WEE2: variants seen among roughly 807,000 people sequenced by gnomAD.
WEE2 encodes the protein WEE2 oocyte meiosis inhibiting kinase.
A neutral mutation model predicts 60.1 loss-of-function variants in WEE2; 50 were observed. That is an observed-to-expected ratio of 0.83 (90% CI 0.66 to 1.05). The LOEUF (loss-of-function observed/expected upper bound fraction) is 1.05, where lower values mean the gene tolerates loss of function less well. Ranked by LOEUF, WEE2 falls within the 50% of genes least tolerant of loss-of-function variation. WEE2 has a pLI of 0.00. For synonymous variants in WEE2, 240 were observed against 241.0 expected, an observed-to-expected ratio of 1.00 and a Z score of 0.04; for missense variants, 631 against 684.3, an observed-to-expected ratio of 0.92 and a Z score of 0.87.
At chr7:141,723,672 AT>A (rs948979460) in intron 6 of WEE2, among the ~76,000 whole-genome samples, 3 of 152,118 alleles carry the variant, frequency 2.0e-5, no homozygotes, top group Non-Finnish European at 2.9e-5. Context: ...AGTTCTTACT[AT>A]TTTTTTATTT....
In WEE2 at chr7:141,714,272, T is replaced by C. The variant is rs1798757853; in HGVS notation, c.406T>C (p.Leu136=). The C allele has an allele frequency of 3.1e-6, 5 of 1,613,798 alleles. No homozygotes were observed. Among genetic ancestry groups the C allele is most frequent in the African/African-American group, 1.3e-5 (1 of 74,896 alleles). The part of the protein sequence containing the change: ...GKLPSRGPKH[L]KLTPAPLKDE... Reference sequence around the variant, plus strand: ...GCTTCCTTCCAGAGGCCCTAAGCATTTGAAGCTCACACCTGCTCCCCTCAA... The same window carrying C: ...GCTTCCTTCCAGAGGCCCTAAGCATCTGAAGCTCACACCTGCTCCCCTCAA... Residue 136 remains leucine, a synonymous_variant, in exon 2 of 12, where the codon TTG becomes CTG. Transcript: ENST00000397541.
Position 141,711,913 on chromosome 7 carries a change from T to A in WEE2, c.343-2296T>A, listed in dbSNP as rs1037810411. On this transcript the variant is annotated intron_variant, in intron 1 of 11. Transcript: ENST00000397541. The surrounding 1 kb of genome is among the most constrained non-coding windows in gnomAD (Gnocchi z 4.2). ...CAGTGGAAGCAAGACAGGAAGGAAGTGTCAGGCTCATTTTAAACAACCAGA... is the reference window on the plus strand; with the variant it reads ...CAGTGGAAGCAAGACAGGAAGGAAGAGTCAGGCTCATTTTAAACAACCAGA... 3.3e-5 allele frequency: 5 copies of A among 152,210 alleles called. No individual in the cohort carries two copies. The highest frequency in any genetic ancestry group is 1.2e-4 in the African/African-American group (5 of 41,530). 9.4% of individuals were successfully genotyped at this position (152,210 alleles called of 1,614,324 possible).
chr7:141,721,912 T>C (rs559091213), intron 5 of WEE2, among the ~76,000 whole-genome samples: 1 of 152,338 alleles, frequency 6.6e-6, no homozygotes, highest in East Asian at 1.9e-4. Flanking sequence ...CGAAACGAGC[T>C]AAATTTTTCT....
intron 11 of WEE2, among the ~76,000 whole-genome samples, chr7:141,730,067 G>A (rs544824114): frequency 7.8e-4 from 117 of 150,366 alleles, no homozygotes; most frequent in African/African-American, 2.6e-3. Flanking sequence ...GATATCAGCT[G>A]TCCCAACCTT....
rs754280237 is a variant in WEE2 at position 141,709,120 on chromosome 7, A to G, written c.342+20A>G. 6.9e-6 allele frequency: 11 copies of G among 1,602,034 alleles called. No homozygotes were observed. The highest frequency in any genetic ancestry group is 6.7e-5 in the South Asian group (6 of 90,204). Reference sequence around the variant, plus strand: ...CCCAAAGTAAGTAAGGGGTGGGGGAAAAAGGGACGCAGGTCGCCAAGCTCT... The same window carrying G: ...CCCAAAGTAAGTAAGGGGTGGGGGAGAAAGGGACGCAGGTCGCCAAGCTCT... On this transcript the variant is annotated intron_variant, in intron 1 of 11. Transcript: ENST00000397541.
chr7:141,709,547 C>A (rs932812533), intron 1 of WEE2, among the ~76,000 whole-genome samples: 2 of 152,190 alleles, frequency 1.3e-5, no homozygotes, highest in African/African-American at 4.8e-5. Flanking sequence ...ATTACGCCAA[C>A]TGGCTCTATT....
rs137983899 is a variant in WEE2, at chr7:141,729,881, A to G, written c.1678+208A>G. 3.5e-3 allele frequency among the ~76,000 whole-genome samples: 536 copies of G among 151,750 alleles called. 6 individuals carry two copies. The highest frequency in any genetic ancestry group is 0.024 in the East Asian group (122 of 5,128). On this transcript the variant is annotated intron_variant, in intron 11 of 11. Coordinates refer to ENST00000397541, the MANE Select transcript of WEE2 (RefSeq NM_001105558.1). ...CAGGCGCCTATAATCCCAGCTACTC[A>G]GGAGGCTGAGGAAGGAGAATCGCTT...
At chr7:141,730,014 A>G (rs1401874585) in intron 11 of WEE2, among the ~76,000 whole-genome samples, 1 of 150,198 alleles carries the variant, frequency 6.7e-6, no homozygotes, top group East Asian at 2.0e-4. Context: ...AAAAAAACTC[A>G]TTCTGCACCA....
At chr7:141,720,141 C>CTTTTTTTTTTTTTTTTTTTTTT (rs571238574) in intron 4 of WEE2, among the ~76,000 whole-genome samples, 3 of 64,202 alleles carry the variant, frequency 4.7e-5, no homozygotes, top group Admixed American at 2.5e-4. Flanking sequence ...TAGAATTCCT[C>CTTTTTTTTTTTTTTTTTTTTTT]TTTTTTTTTT....
chr7:141,721,143 C>A, intron 5 of WEE2, 87 bp downstream of exon 5: 3 of 1,515,022 alleles, frequency 2.0e-6, no homozygotes, highest in South Asian at 1.2e-5. Flanking sequence ...CCTCATAGTT[C>A]ATTCCACGGA....
chr7:141,717,885 G>A (rs1251060045), intron 3 of WEE2, among the ~76,000 whole-genome samples: 1 of 152,076 alleles, frequency 6.6e-6, no homozygotes, highest in Non-Finnish European at 1.5e-5. Context: ...CTAGGGGGAG[G>A]GTAGTCAAGT....
intron 5 of WEE2, among the ~76,000 whole-genome samples, chr7:141,722,348 CGA>C (rs1798929289): frequency 6.6e-6 from 1 of 151,868 alleles, no homozygotes; most frequent in Admixed American, 6.6e-5. Flanking sequence ...GAGGTTGCAG[CGA>C]GCCGAGACCA....
Position 141,715,031 on chromosome 7 carries a change from C to T in WEE2, c.539+626C>T, listed in dbSNP as rs76563585. Among the ~76,000 whole-genome samples the T allele has an allele frequency of 0.011, 1,750 of 152,272 alleles. 62 individuals are homozygous for T. In the South Asian group the frequency reaches 0.15, roughly 13 times the overall value. On this transcript the variant is annotated intron_variant, in intron 2 of 11. Transcript: ENST00000397541. ...GAATGGAATCGCCTCCAAAGTGGGG[C>T]AGTCATTTATGTTCATATGTACTCA...
At chr7:141,728,478 T>C (rs1016629249) in intron 10 of WEE2, among the ~76,000 whole-genome samples, 3 of 152,186 alleles carry the variant, frequency 2.0e-5, no homozygotes, top group African/African-American at 7.2e-5. Context: ...AATTCCATTG[T>C]CCCAGCTAAT....
chr7:141,727,948 C>G (rs1010535523), intron 10 of WEE2: 3 of 152,840 alleles, frequency 2.0e-5, no homozygotes, highest in African/African-American at 7.2e-5. Context: ...CATATATTTA[C>G]TTGTTAATCC....
chr7:141,721,902 C>T (rs534331127), intron 5 of WEE2, among the ~76,000 whole-genome samples: 2 of 152,206 alleles, frequency 1.3e-5, no homozygotes, highest in African/African-American at 2.4e-5. Flanking sequence ...CTTGTGTTTC[C>T]GAAACGAGCT....
chr7:141,724,931 T>C lies in WEE2; in HGVS notation c.1222-95T>C, dbSNP rs987011895. ...GACCGTCGTGTCTGTTTAAACCTTA[T>C]ATGCACTCGAATGAACCTTTCCTAC... is the stretch of plus-strand genomic sequence containing the variant. On this transcript the variant is annotated intron_variant, in intron 8 of 11. Transcript: ENST00000397541. The C allele has an allele frequency of 2.0e-5, 28 of 1,387,438 alleles. No homozygotes were observed. The African/African-American group carries it at 2.9e-4, about 14-fold the overall frequency. 85.9% of individuals were successfully genotyped at this position (1,387,438 alleles called of 1,614,324 possible). A position where few individuals can be genotyped will look rare whatever the true frequency, so the allele number is the denominator to read the frequency against.
rs201552831 is a variant in WEE2 at position 141,709,033 on chromosome 7, C to T, written c.275C>T (p.Pro92Leu). ...CCAGTGTCACACCCTCTCAAATGTCCTGAGACACCAGCCCAACCAGACAGC... is the reference window on the plus strand; with the variant it reads ...CCAGTGTCACACCCTCTCAAATGTCTTGAGACACCAGCCCAACCAGACAGC... ...RTPVSHPLKC[P>L]ETPAQPDSRS... Residue 92 changes from proline (P) to leucine (L), a missense_variant, in exon 1 of 12, where the codon CCT (proline) becomes CTT (leucine). Pro to Leu is a moderately conservative substitution (Grantham distance 98, BLOSUM62 -3). Transcript: ENST00000397541. 452 of 1,614,118 alleles carry T rather than the reference C, an allele frequency of 2.8e-4. 2 individuals carry two copies. Among genetic ancestry groups the T allele is most frequent in the Middle Eastern group, 6.6e-4 (4 of 6,062 alleles).
At chr7:141,728,031 C>T (rs1263255851) in intron 10 of WEE2, 1 of 152,304 alleles carries the variant, frequency 6.6e-6, no homozygotes, top group Non-Finnish European at 1.5e-5. Context: ...GTGGTTTTTC[C>T]CAGCGTGGGG....
Sources: allele counts gnomAD v4.1 joint callset (sites outside exome capture counted in the v4.1 genomes callset), GRCh38; gene constraint gnomAD v4.1.1; non-coding constraint Gnocchi (gnomAD v3.1); transcripts MANE v1.5; gene names NCBI Gene and HGNC (gene_info 2026-07-23, HGNC 2026-07-21).